ANKS1A: variants seen among roughly 807,000 people sequenced by gnomAD.
ANKS1A encodes ankyrin repeat and sterile alpha motif domain containing 1A, also known as ankyrin repeat and SAM domain-containing protein 1A.
ANKS1A carries 55 observed loss-of-function variants against 120.3 expected under a neutral mutation model. That is an observed-to-expected ratio of 0.46 (90% CI 0.37 to 0.57). The LOEUF is 0.57. Among genes scored for constraint, ANKS1A ranks in the 20% least tolerant of loss-of-function variants. The pLI, the probability that ANKS1A is intolerant of heterozygous loss-of-function variation, is 0.00. For synonymous variants in ANKS1A, 590 were observed against 604.7 expected, an observed-to-expected ratio of 0.98 and a Z score of 0.36; for missense variants, 1,123 against 1,480.3, an observed-to-expected ratio of 0.76 and a Z score of 3.96.
Position 34,929,817 on chromosome 6 carries a change from C to A in ANKS1A, c.198-37422C>A, listed in dbSNP as rs540654115. Among the ~76,000 whole-genome samples the A allele has an allele frequency of 1.8e-3, 244 of 137,218 alleles. 1 individual carries two copies. Among genetic ancestry groups the A allele is most frequent in the African/African-American group, 6.2e-3 (224 of 36,258 alleles). The allele number at this position is 137,218 out of a possible 152,430, so 90.0% of individuals were successfully genotyped here. ...TTTTCCTTCCTCCTTCTCTCTCTCT[C>A]TTTCTCTTTCTTTCTTTCTCTCTTT... On this transcript the variant is annotated intron_variant, in intron 1 of 23. Transcript: ENST00000360359.
chr6:34,964,536 A>G (rs1356099436), intron 1 of ANKS1A, among the ~76,000 whole-genome samples: 7 of 152,206 alleles, frequency 4.6e-5, no homozygotes, highest in African/African-American at 1.7e-4. Context: ...TTTCCATGTC[A>G]GGACTTAAAG....
intron 9 of ANKS1A, among the ~76,000 whole-genome samples, chr6:34,991,068 T>C (rs1307015024): frequency 1.3e-5 from 2 of 152,196 alleles, no homozygotes; most frequent in African/African-American, 4.8e-5. Context: ...CCCTAGACTC[T>C]ATCATATCTC....
chr6:35,060,006 C>T lies in ANKS1A; in HGVS notation c.2078-141C>T, dbSNP rs1490118231. 3.2e-6 allele frequency: 2 copies of T among 631,838 alleles called. No individual in the cohort carries two copies. Among genetic ancestry groups the T allele is most frequent in the African/African-American group, 1.8e-5 (1 of 54,604 alleles). 39.1% of individuals were successfully genotyped at this position (631,838 alleles called of 1,614,324 possible). On this transcript the variant is annotated intron_variant, in intron 12 of 23. Transcript: ENST00000360359. This position sits in a 1 kb window ranked among gnomAD's most constrained non-coding sequence, Gnocchi z 4.5. ...GAAGAGGAGCTGCGTGTCTGCTGCT[C>T]TCTGGTCTCTTGTATATAGTTTGGC...
chr6:35,081,479 C>A (rs1389308888), intron 17 of ANKS1A, among the ~76,000 whole-genome samples: 1 of 152,218 alleles, frequency 6.6e-6, no homozygotes, highest in Non-Finnish European at 1.5e-5. Flanking sequence ...CCTGCACTGC[C>A]TCCCCTGCTG....
intron 12 of ANKS1A, among the ~76,000 whole-genome samples, chr6:35,059,452 G>T (rs980340087): frequency 6.6e-6 from 1 of 152,248 alleles, no homozygotes; most frequent in Non-Finnish European, 1.5e-5. Context: ...CTTATTCCGG[G>T]ACTGCTGGGG....
At chr6:34,998,924 C>T (rs896601514) in intron 10 of ANKS1A, among the ~76,000 whole-genome samples, 1 of 152,192 alleles carries the variant, frequency 6.6e-6, no homozygotes, top group Non-Finnish European at 1.5e-5. Flanking sequence ...GTGGAACATC[C>T]CTGCGGGGGA....
At chr6:35,017,353 A>C in intron 10 of ANKS1A, 120 bp from the exon 11 acceptor site, 1 of 1,013,172 alleles carries the variant, frequency 9.9e-7, no homozygotes, top group Non-Finnish European at 1.4e-6. Context: ...CAGCCTATCC[A>C]GTTTCTCTCT....
Position 35,079,894 on chromosome 6 carries a change from C to T in ANKS1A, c.2510C>T (p.Pro837Leu), listed in dbSNP as rs763241127. 12 of 1,560,582 alleles carry T rather than the reference C, an allele frequency of 7.7e-6. No individual in the cohort carries two copies. The highest frequency in any genetic ancestry group is 2.4e-5 in the East Asian group (1 of 41,912). Residue 837 changes from proline to leucine, a missense_variant, in exon 16 of 24, where the codon CCG becomes CTG. Physicochemically the swap from Pro to Leu is moderately conservative, Grantham distance 98. Coordinates refer to ENST00000360359, the MANE Select transcript of ANKS1A (RefSeq NM_015245.3). Reference sequence around the variant, plus strand: ...CTCGCAGACAGACCGTACGAGGAGCCGCCCCAGAAGCCCCCCAGATTCTCC... The same window carrying T: ...CTCGCAGACAGACCGTACGAGGAGCTGCCCCAGAAGCCCCCCAGATTCTCC... ...ASLADRPYEE[P>L]PQKPPRFSQL...
intron 11 of ANKS1A, among the ~76,000 whole-genome samples, chr6:35,042,371 A>G (rs191752677): frequency 1.1e-4 from 16 of 152,284 alleles, no homozygotes; most frequent in Non-Finnish European, 2.1e-4. Context: ...TCTCAGATCC[A>G]AGAAAGATGT....
chr6:35,097,655 A>C, the ANKS1A span, among the ~76,000 whole-genome samples: 26,514 of 149,944 alleles, frequency 0.18, 3,035 homozygotes, highest in African/African-American at 0.29. Flanking sequence ...AAAAAAAAAA[A>C]AAACACATAC....
At chr6:34,933,258 A>G (rs1481536569) in intron 1 of ANKS1A, among the ~76,000 whole-genome samples, 2 of 152,204 alleles carry the variant, frequency 1.3e-5, no homozygotes, top group Admixed American at 6.5e-5. Flanking sequence ...TGATCATTCT[A>G]TCACTACTTT....
At chr6:35,067,058 A>G (rs1776812360) in intron 13 of ANKS1A, among the ~76,000 whole-genome samples, 1 of 152,194 alleles carries the variant, frequency 6.6e-6, no homozygotes, top group Admixed American at 6.5e-5. Context: ...TTTCTACCAC[A>G]GCTGCTTTGC....
chr6:34,935,798 C>T (rs1275033565), intron 1 of ANKS1A, among the ~76,000 whole-genome samples: 1 of 151,808 alleles, frequency 6.6e-6, no homozygotes, highest in East Asian at 2.0e-4. Flanking sequence ...CGCGGTGGCT[C>T]ACGCCTGTAA....
intron 1 of ANKS1A, among the ~76,000 whole-genome samples, chr6:34,910,920 A>T (rs1334395628): frequency 6.6e-6 from 1 of 151,938 alleles, no homozygotes; most frequent in Admixed American, 6.6e-5. Flanking sequence ...AATGAATAGG[A>T]TATTACAACA....
At chr6:34,900,462 A>T (rs1767293205) in intron 1 of ANKS1A, among the ~76,000 whole-genome samples, 1 of 149,414 alleles carries the variant, frequency 6.7e-6, no homozygotes, top group Non-Finnish European at 1.5e-5. Context: ...TTTTTTTTTT[A>T]ATAACAAAAA....
At chr6:35,002,234 C>T (rs931213706) in intron 10 of ANKS1A, among the ~76,000 whole-genome samples, 3 of 151,860 alleles carry the variant, frequency 2.0e-5, no homozygotes, top group African/African-American at 7.3e-5. Context: ...TCTAGTGCGC[C>T]CAACCTCCGA....
Position 35,089,855 on chromosome 6 carries a change from G to T in ANKS1A, c.*1246G>T. On this transcript the variant is annotated 3_prime_UTR_variant, in exon 24 of 24. Transcript: ENST00000360359. The stretch of plus-strand genomic sequence containing the variant: ...CAGCTGTGTGCCCAGTTCCTCCTGT[G>T]GGCACTTTAGCAGGCTCCGAGCTTT... 1.9e-6 allele frequency: 2 copies of T among 1,075,498 alleles called. No individual in the cohort carries two copies. The highest frequency in any genetic ancestry group is 2.3e-6 in the Non-Finnish European group (2 of 883,526). The allele number at this position is 1,075,498 out of a possible 1,614,324, so 66.6% of individuals were successfully genotyped here.
chr6:35,013,321 G>A (rs190056808), intron 10 of ANKS1A, among the ~76,000 whole-genome samples: 1 of 152,132 alleles, frequency 6.6e-6, no homozygotes, highest in Non-Finnish European at 1.5e-5. Context: ...GTGAGACAAG[G>A]TCTCGCTGTG....
chr6:35,048,323 G>A (rs1043240715), intron 11 of ANKS1A, among the ~76,000 whole-genome samples: 2 of 152,148 alleles, frequency 1.3e-5, no homozygotes, highest in Non-Finnish European at 2.9e-5. Context: ...AATGCCCCAC[G>A]GTAAGACACA....
Sources: allele counts gnomAD v4.1 joint callset (sites outside exome capture counted in the v4.1 genomes callset), GRCh38; gene constraint gnomAD v4.1.1; non-coding constraint Gnocchi (gnomAD v3.1); transcripts MANE v1.5; gene names NCBI Gene and HGNC (gene_info 2026-07-23, HGNC 2026-07-21).